Variants in LHFPL2 observed in about 807,000 individuals in gnomAD.
LHFPL2 encodes LHFPL tetraspan subfamily member 2, also known as LHFPL tetraspan subfamily member 2 protein.
A neutral mutation model predicts 17.5 loss-of-function variants in LHFPL2; 7 were observed. The observed-to-expected ratio is 0.40, with a 90% CI of 0.23 to 0.75. The LOEUF is 0.75. Among genes scored for constraint, LHFPL2 ranks in the 30% least tolerant of loss-of-function variants. The pLI, the probability that LHFPL2 is intolerant of heterozygous loss-of-function variation, is 0.37. For synonymous variants in LHFPL2, 134 were observed against 116.2 expected, an observed-to-expected ratio of 1.15 and a Z score of -0.99; for missense variants, 241 against 294.8, an observed-to-expected ratio of 0.82 and a Z score of 1.34.
chr5:78,596,124 A>G (rs1037264213), intron 2 of LHFPL2, among the ~76,000 whole-genome samples: 5 of 152,246 alleles, frequency 3.3e-5, no homozygotes, highest in African/African-American at 1.2e-4. Context: ...ATAATAAATT[A>G]TAAGCAACCC....
In LHFPL2 at chr5:78,556,388, G is replaced by C. The variant is rs962470911; in HGVS notation, c.-186+8425C>G. 4.6e-5 allele frequency among the ~76,000 whole-genome samples: 7 copies of C among 152,162 alleles called. 1 individual carries two copies. ...AACTATTCTATTTAGGAAAACATTA[G>C]ATGTGGTCAATAATAAAAACAGTAA... On this transcript the variant is annotated intron_variant, in intron 3 of 4. Transcript: ENST00000380345.
chr5:78,535,055 G>A (rs568924858), intron 3 of LHFPL2, among the ~76,000 whole-genome samples: 2 of 152,182 alleles, frequency 1.3e-5, no homozygotes, highest in Non-Finnish European at 2.9e-5. Context: ...GACTTCTTAG[G>A]AGGAGAGAAA....
chr5:78,489,984 C>T (rs944913238), intron 4 of LHFPL2, among the ~76,000 whole-genome samples: 11 of 152,304 alleles, frequency 7.2e-5, no homozygotes, highest in East Asian at 1.9e-4. Context: ...GCAAGGGCCA[C>T]GAGGGAGACC....
intron 1 of LHFPL2, among the ~76,000 whole-genome samples, chr5:78,637,249 G>A (rs78234270): frequency 0.025 from 3,823 of 152,266 alleles, 149 homozygotes; most frequent in African/African-American, 0.087. Context: ...CCTTTTAAAA[G>A]CTTTGTAATC....
intron 3 of LHFPL2, among the ~76,000 whole-genome samples, chr5:78,534,652 T>C (rs747694479): frequency 7.2e-5 from 11 of 152,156 alleles, no homozygotes; most frequent in Non-Finnish European, 1.5e-4. Context: ...CGGCTCCAGG[T>C]CCTTGAGGGA....
chr5:78,609,843 C>A, intron 2 of LHFPL2, among the ~76,000 whole-genome samples: 1 of 125,216 alleles, frequency 8.0e-6, no homozygotes, highest in Non-Finnish European at 1.9e-5. Context: ...ATTGGTGTAC[C>A]TAAAAAAAAA....
At chr5:78,605,119 A>G (rs1744167883) in intron 2 of LHFPL2, among the ~76,000 whole-genome samples, 1 of 152,258 alleles carries the variant, frequency 6.6e-6, no homozygotes, top group African/African-American at 2.4e-5. Flanking sequence ...GCCCCACTGC[A>G]GACTGAGTGT....
intron 3 of LHFPL2, among the ~76,000 whole-genome samples, chr5:78,533,923 A>T (rs1755861073): frequency 6.6e-6 from 1 of 152,212 alleles, no homozygotes; most frequent in South Asian, 2.1e-4. Flanking sequence ...ACAACAGAGG[A>T]GTGGAGGCCT....
chr5:78,498,366 C>G (rs954161307), intron 4 of LHFPL2, among the ~76,000 whole-genome samples: 3 of 152,156 alleles, frequency 2.0e-5, no homozygotes, highest in South Asian at 2.1e-4. Context: ...AGCAGCATCT[C>G]TGTGTGTGGT....
At chr5:78,518,791 T>A (rs183256376) in intron 3 of LHFPL2, among the ~76,000 whole-genome samples, 1 of 152,316 alleles carries the variant, frequency 6.6e-6, no homozygotes, top group Non-Finnish European at 1.5e-5. Context: ...CTTGTACTTG[T>A]TCATATGATC....
chr5:78,568,364 G>T (rs1257740403), intron 2 of LHFPL2, among the ~76,000 whole-genome samples: 2 of 152,174 alleles, frequency 1.3e-5, no homozygotes, highest in Non-Finnish European at 2.9e-5. Context: ...TGGGCTGCAT[G>T]CCCTTCTGTT....
intron 4 of LHFPL2, chr5:78,494,620 A>T: frequency 1.9e-6 from 1 of 523,680 alleles, no homozygotes; most frequent in African/African-American, 2.1e-5. Context: ...CAGAGCCTTG[A>T]CAACCTCACC....
chr5:78,497,766 C>T (rs185532562), intron 4 of LHFPL2, among the ~76,000 whole-genome samples: 19 of 152,346 alleles, frequency 1.2e-4, no homozygotes, highest in South Asian at 8.3e-4. Context: ...CAGACCAAAC[C>T]ACAGGACTGG....
intron 2 of LHFPL2, among the ~76,000 whole-genome samples, chr5:78,578,516 C>A (rs1383952645): frequency 6.6e-6 from 1 of 151,732 alleles, no homozygotes; most frequent in Non-Finnish European, 1.5e-5. Flanking sequence ...GAGGTTTTGG[C>A]AATTCCATTT....
chr5:78,626,724 T>G (rs1337766155), intron 2 of LHFPL2: 1 of 151,892 alleles, frequency 6.6e-6, no homozygotes, highest in Non-Finnish European at 1.5e-5. Flanking sequence ...TACTTAACAG[T>G]GGGTAGGGTC....
chr5:78,498,905 A>G (rs1005850988), intron 4 of LHFPL2, among the ~76,000 whole-genome samples: 1 of 152,250 alleles, frequency 6.6e-6, no homozygotes, highest in Non-Finnish European at 1.5e-5. Context: ...ACTGGTTCCA[A>G]GACAGACTGG....
At chr5:78,505,931 A>G (rs1471575116) in intron 4 of LHFPL2, among the ~76,000 whole-genome samples, 2 of 152,256 alleles carry the variant, frequency 1.3e-5, no homozygotes, top group Non-Finnish European at 2.9e-5. Flanking sequence ...AAAGTGAGGC[A>G]AATTGGTCCG....
intron 4 of LHFPL2, 47 bp downstream of exon 4, chr5:78,509,737 G>A: frequency 1.9e-6 from 3 of 1,567,698 alleles, no homozygotes; most frequent in Non-Finnish European, 2.6e-6. Context: ...TGCACCGGCA[G>A]CTCTCCATCC....
chr5:78,534,863 C>T (rs1755899270), intron 3 of LHFPL2, among the ~76,000 whole-genome samples: 1 of 152,222 alleles, frequency 6.6e-6, no homozygotes, highest in African/African-American at 2.4e-5. Context: ...CGGGTAGAGG[C>T]AGGGGCAAGG....
Sources: gnomAD v4.1 joint callset for allele counts (sites outside exome capture counted in the v4.1 genomes callset) on GRCh38, gnomAD v4.1.1 for gene constraint, MANE v1.5 for transcripts, NCBI Gene and HGNC (gene_info 2026-07-23, HGNC 2026-07-21) for gene names.